ANP32B: variants seen among roughly 807,000 people sequenced by gnomAD.
ANP32B encodes acidic leucine-rich nuclear phosphoprotein 32 family member B.
ANP32B carries 6 observed loss-of-function variants against 32.2 expected under a neutral mutation model. That is an observed-to-expected ratio of 0.19 (90% CI 0.10 to 0.37). The LOEUF is 0.37. Among genes scored for constraint, ANP32B ranks in the 10% least tolerant of loss-of-function variants. The pLI is 1.00. For synonymous variants in ANP32B, 98 were observed against 105.8 expected, an observed-to-expected ratio of 0.93 and a Z score of 0.45; for missense variants, 204 against 289.2, an observed-to-expected ratio of 0.71 and a Z score of 2.14.
chr9:97,995,365 C>T (rs371377946), intron 2 of ANP32B, among the ~76,000 whole-genome samples: 70 of 152,318 alleles, frequency 4.6e-4, no homozygotes, highest in African/African-American at 1.1e-3. Context: ...TCTCCTAACC[C>T]CATACCCTTC....
intron 5 of ANP32B, 130 bp downstream of exon 5, chr9:98,011,519 A>G (rs961275366): frequency 8.5e-5 from 111 of 1,312,976 alleles, no homozygotes; most frequent in Middle Eastern, 2.7e-4. Flanking sequence ...TACATTTACA[A>G]TATGAATCTG....
At chr9:98,000,418 A>G (rs1397464163) in intron 3 of ANP32B, among the ~76,000 whole-genome samples, 2 of 152,132 alleles carry the variant, frequency 1.3e-5, no homozygotes, top group African/African-American at 2.4e-5. Context: ...GGCTCTTACT[A>G]GTTTTATTCG....
At chr9:97,998,521 A>ATTTGTG in intron 2 of ANP32B, 35 bp from the exon 3 acceptor site, 1 of 1,581,196 alleles carries the variant, frequency 6.3e-7, no homozygotes, top group Non-Finnish European at 8.6e-7. Context: ...CTCTGTGTGT[A>ATTTGTG]TTTGTGTTTG....
At chr9:97,998,320 A>C (rs533967332) in intron 2 of ANP32B, among the ~76,000 whole-genome samples, 141 of 152,354 alleles carry the variant, frequency 9.3e-4, no homozygotes, top group African/African-American at 3.3e-3. Flanking sequence ...GTTAGAGACC[A>C]GTTCTTGAGT....
chr9:97,984,402 C>G (rs1325298831), intron 1 of ANP32B, among the ~76,000 whole-genome samples: 3 of 151,498 alleles, frequency 2.0e-5, no homozygotes, highest in Non-Finnish European at 2.9e-5. Flanking sequence ...ACTCCTGCCT[C>G]CCAGGGGCAG....
intron 1 of ANP32B, among the ~76,000 whole-genome samples, chr9:97,990,814 C>CTTTTTTT (rs34489949): frequency 2.0e-5 from 2 of 98,870 alleles, no homozygotes; most frequent in South Asian, 4.0e-4. Context: ...ACAGTTGAAC[C>CTTTTTTT]TTTTTTTTTT....
At chr9:98,013,286 C>T (rs1443548128) in intron 6 of ANP32B, among the ~76,000 whole-genome samples, 1 of 152,218 alleles carries the variant, frequency 6.6e-6, no homozygotes, top group Non-Finnish European at 1.5e-5. Flanking sequence ...CTCGGCCTCC[C>T]AAATTACTCG....
At chr9:97,984,330 A>G (rs1163734478) in intron 1 of ANP32B, among the ~76,000 whole-genome samples, 2 of 151,116 alleles carry the variant, frequency 1.3e-5, no homozygotes, top group African/African-American at 4.8e-5. Context: ...GCCATTTTTC[A>G]AGCCCAAAAA....
At chr9:98,007,758 A>T (rs538001315) in intron 4 of ANP32B, among the ~76,000 whole-genome samples, 2 of 152,180 alleles carry the variant, frequency 1.3e-5, no homozygotes, top group East Asian at 3.8e-4. Context: ...GACAAATGTC[A>T]CCTGAACTTA....
Position 98,015,401 on chromosome 9 carries a change from A to G in ANP32B, c.726A>G (p.Arg242=). 1 of 1,550,598 alleles carries G rather than the reference A, an allele frequency of 6.4e-7. No homozygotes were observed. The highest frequency in any genetic ancestry group is 2.4e-5 in the East Asian group (1 of 40,908). The change falls in exon 7 of 7, where the codon AGA becomes AGG. Residue 242 remains arginine (R), a synonymous_variant. Transcript: ENST00000339399. ...GTGGGAAAGGTGAAAAGAGGAAGAG[A>G]GAAACAGATGATGAAGGAGAAGATG... The part of the protein sequence containing the change: ...EEGGKGEKRK[R]ETDDEGEDD
At chr9:97,995,852 G>A (rs1032423172) in intron 2 of ANP32B, among the ~76,000 whole-genome samples, 9 of 151,542 alleles carry the variant, frequency 5.9e-5, no homozygotes, top group African/African-American at 9.7e-5. Flanking sequence ...GAACCCAGGC[G>A]GTGGCTGAGG....
At chr9:98,008,949 G>A (rs1828134344) in intron 4 of ANP32B, among the ~76,000 whole-genome samples, 1 of 152,164 alleles carries the variant, frequency 6.6e-6, no homozygotes, top group South Asian at 2.1e-4. Context: ...CAAAAAGGTT[G>A]AGGACCGCTG....
chr9:98,015,325 C>T (rs1266135297), intron 6 of ANP32B, 39 bp from the exon 7 acceptor site: 1 of 1,546,582 alleles, frequency 6.5e-7, no homozygotes, highest in African/African-American at 1.4e-5. Context: ...AGCAAAATGC[C>T]TTTCCACTGT....
chr9:97,984,741 C>A (rs1016852243), intron 1 of ANP32B: 2 of 150,104 alleles, frequency 1.3e-5, no homozygotes, highest in South Asian at 2.1e-4. Context: ...TGGCGGGAGC[C>A]GCGCGCCGCG....
At chr9:97,986,375 C>G (rs1024384011) in intron 1 of ANP32B, among the ~76,000 whole-genome samples, 3 of 152,130 alleles carry the variant, frequency 2.0e-5, no homozygotes, top group African/African-American at 7.2e-5. Flanking sequence ...TTGATGAGGC[C>G]TTGAGAGAGT....
intron 1 of ANP32B, chr9:97,984,509 G>A (rs982992884): frequency 7.3e-5 from 11 of 151,262 alleles, no homozygotes; most frequent in Non-Finnish European, 1.3e-4. Context: ...GCCCCGGGAG[G>A]CTGGCCCCTC....
intron 1 of ANP32B, among the ~76,000 whole-genome samples, chr9:97,991,493 T>C (rs1827824780): frequency 6.6e-6 from 1 of 152,136 alleles, no homozygotes; most frequent in Non-Finnish European, 1.5e-5. Context: ...TGCTGGGGTA[T>C]TTATTTTTTC....
At chr9:97,994,814 G>C (rs746441666) in intron 2 of ANP32B, 34 bp downstream of exon 2, 1 of 1,553,900 alleles carries the variant, frequency 6.4e-7, no homozygotes, top group Middle Eastern at 1.7e-4. Flanking sequence ...AAAAGAGAAC[G>C]ATCCTGGGAA....
At position 98,015,786 on chromosome 9, in the gene ANP32B, G is replaced by A. The variant is rs1329543252; in HGVS notation, c.*355G>A. On this transcript the variant is annotated 3_prime_UTR_variant, in exon 7 of 7. Coordinates refer to ENST00000339399, the MANE Select transcript of ANP32B (RefSeq NM_006401.3). The stretch of plus-strand genomic sequence containing the variant: ...TTTTTACTTTCTGTACAACAAAAAA[G>A]CTTTGTAAATAAAATCTTAACATTT... 11 of 990,460 alleles carry A rather than the reference G, an allele frequency of 1.1e-5. No individual in the cohort carries two copies. Among genetic ancestry groups the A allele is most frequent in the African/African-American group, 3.5e-5 (2 of 57,414 alleles). The allele number at this position is 990,460 out of a possible 1,614,324, so 61.4% of individuals were successfully genotyped here. A position where few individuals can be genotyped will look rare whatever the true frequency, so the allele number is the denominator to read the frequency against.
Sources: allele counts gnomAD v4.1 joint callset (sites outside exome capture counted in the v4.1 genomes callset), GRCh38; gene constraint gnomAD v4.1.1; transcripts MANE v1.5; gene names NCBI Gene and HGNC (gene_info 2026-07-23, HGNC 2026-07-21).